ROCK2: variants seen among roughly 807,000 people sequenced by gnomAD.
ROCK2 encodes the protein Rho associated coiled-coil containing protein kinase 2.
Under a neutral mutation model 195.1 loss-of-function variants are expected in ROCK2, and 61 were observed. The ratio of observed to expected loss-of-function variants is 0.31; its 90% CI spans 0.25 to 0.39. The LOEUF is 0.39. Among genes scored for constraint, ROCK2 ranks in the 10% least tolerant of loss-of-function variants. The pLI is 1.00. For missense variants in ROCK2, 1,109 were observed against 1,637.4 expected, an observed-to-expected ratio of 0.68 and a Z score of 5.57; for synonymous variants, 504 against 545.5, an observed-to-expected ratio of 0.92 and a Z score of 1.06.
At chr2:11,284,481 C>T (rs1305234582) in intron 3 of ROCK2, among the ~76,000 whole-genome samples, 2 of 152,080 alleles carry the variant, frequency 1.3e-5, no homozygotes, top group Non-Finnish European at 2.9e-5. Flanking sequence ...AGTGTCTATG[C>T]ACACGTTGGG....
chr2:11,220,331 T>A (rs187926865), intron 9 of ROCK2, among the ~76,000 whole-genome samples: 1 of 152,006 alleles, frequency 6.6e-6, no homozygotes, highest in African/African-American at 2.4e-5. Flanking sequence ...TTTTCTTTTG[T>A]AAAGACAGGG....
intron 1 of ROCK2, among the ~76,000 whole-genome samples, chr2:11,293,429 T>C (rs955611928): frequency 4.6e-5 from 7 of 152,180 alleles, no homozygotes; most frequent in African/African-American, 7.2e-5. Flanking sequence ...TCTTTAAAAA[T>C]TGGCTATTTA....
At chr2:11,227,888 G>T (rs1572271565) in intron 5 of ROCK2, among the ~76,000 whole-genome samples, 4 of 152,104 alleles carry the variant, frequency 2.6e-5, no homozygotes, top group Admixed American at 2.6e-4. Context: ...GAAAAAAAAT[G>T]AAGAAATAGA....
intron 4 of ROCK2, among the ~76,000 whole-genome samples, chr2:11,238,565 T>C (rs1055156581): frequency 6.6e-6 from 1 of 152,138 alleles, no homozygotes; most frequent in Admixed American, 6.5e-5. Context: ...AAGACAATAC[T>C]GGCCAGGCAC....
chr2:11,185,687 C>T (rs1486983741), intron 32 of ROCK2, among the ~76,000 whole-genome samples: 1 of 152,112 alleles, frequency 6.6e-6, no homozygotes, highest in African/African-American at 2.4e-5. Context: ...CGAGATCGTG[C>T]CATTGCACTC....
rs1050984725 is a variant in ROCK2 at position 11,180,654 on chromosome 2, T to C, written c.*2783A>G. The C allele has an allele frequency of 5.3e-5, 8 of 152,146 alleles. No homozygotes were observed. Among genetic ancestry groups the C allele is most frequent in the Non-Finnish European group, 7.4e-5 (5 of 68,026 alleles). 9.4% of individuals were successfully genotyped at this position (152,146 alleles called of 1,614,324 possible). On this transcript the variant is annotated 3_prime_UTR_variant, in exon 33 of 33. Transcript: ENST00000315872. ...GTATTCATGATTTCTTAGTTCCCCA[T>C]AGGAGGTATTTATGGTTCTAGGAGA...
intron 24 of ROCK2, 45 bp downstream of exon 24, chr2:11,198,636 A>C: frequency 3.8e-6 from 6 of 1,573,216 alleles, no homozygotes; most frequent in Non-Finnish European, 5.2e-6. Flanking sequence ...AGCAGCTGAT[A>C]AACATTAGGT....
In ROCK2 at chr2:11,344,532, T is replaced by G. The variant is rs1471589568; in HGVS notation, c.-396A>C. On this transcript the variant is annotated 5_prime_UTR_variant, in exon 1 of 33. Coordinates refer to ENST00000315872, the MANE Select transcript of ROCK2 (RefSeq NM_004850.5). This position sits in a 1 kb window ranked among gnomAD's most constrained non-coding sequence, Gnocchi z 5.4. Reference sequence around the variant, plus strand: ...GCCCCGGGAGGCTGAAGCCCAGGCCTGGGCCACTACGGCCGCCGCCGGCCC... The same window carrying G: ...GCCCCGGGAGGCTGAAGCCCAGGCCGGGGCCACTACGGCCGCCGCCGGCCC... The G allele has an allele frequency of 1.2e-5, 12 of 978,768 alleles. No individual in the cohort carries two copies. The highest frequency in any genetic ancestry group is 1.5e-5 in the Non-Finnish European group (12 of 826,398). 60.6% of individuals were successfully genotyped at this position (978,768 alleles called of 1,614,324 possible). A position where few individuals can be genotyped will look rare whatever the true frequency, so the allele number is the denominator to read the frequency against.
intron 3 of ROCK2, among the ~76,000 whole-genome samples, chr2:11,269,342 T>C (rs1666541033): frequency 6.6e-6 from 1 of 151,812 alleles, no homozygotes; most frequent in Non-Finnish European, 1.5e-5. Context: ...CAAAACCCCA[T>C]CTCTACTAAA....
intron 1 of ROCK2, among the ~76,000 whole-genome samples, chr2:11,288,916 T>A (rs1050671409): frequency 6.6e-6 from 1 of 151,968 alleles, no homozygotes; most frequent in African/African-American, 2.4e-5. Flanking sequence ...TGAAAAAAAA[T>A]TTTTCTTTAG....
Position 11,249,697 on chromosome 2 carries a change from A to C in ROCK2, c.426T>G (p.Asp142Glu). The change falls in exon 4 of 33, where the codon GAT becomes GAG. Residue 142 changes from aspartate (D) to glutamate (E), a missense_variant. Asp to Glu is a conservative substitution (Grantham distance 45). Transcript: ENST00000315872. ...AGGGGCTATTGGCAAAGGCCATAAT[A>C]TCTCTTTCTTCCCAAAAAAAGGCAG... is the stretch of plus-strand genomic sequence containing the variant. The part of the protein sequence containing the change: ...SDSAFFWEER[D>E]IMAFANSPWV... The C allele has an allele frequency of 6.3e-7, 1 of 1,579,150 alleles. No homozygotes were observed. The highest frequency in any genetic ancestry group is 8.6e-7 in the Non-Finnish European group (1 of 1,165,066).
chr2:11,303,699 A>G (rs1324255564), intron 1 of ROCK2, among the ~76,000 whole-genome samples: 2 of 152,088 alleles, frequency 1.3e-5, no homozygotes, highest in Non-Finnish European at 2.9e-5. Context: ...AGAAATACCT[A>G]TTCTAGCTGT....
At chr2:11,229,563 CAAA>C (rs200491599) in intron 5 of ROCK2, among the ~76,000 whole-genome samples, 1 of 84,776 alleles carries the variant, frequency 1.2e-5, no homozygotes, top group African/African-American at 4.2e-5. Flanking sequence ...TTCACGTATC[CAAA>C]AAAAAAAATA....
intron 1 of ROCK2, among the ~76,000 whole-genome samples, chr2:11,309,094 A>G (rs72789524): frequency 0.042 from 6,460 of 152,200 alleles, 278 homozygotes; most frequent in Non-Finnish European, 0.06. Flanking sequence ...CTGTACCACA[A>G]AATTCAAAGT....
chr2:11,306,075 C>T (rs1667849984), intron 1 of ROCK2, among the ~76,000 whole-genome samples: 1 of 152,146 alleles, frequency 6.6e-6, no homozygotes, highest in Non-Finnish European at 1.5e-5. Context: ...GATTCGAGAG[C>T]CATGAGAGTT....
intron 4 of ROCK2, among the ~76,000 whole-genome samples, chr2:11,238,247 G>GTGT (rs1356133313): frequency 6.5e-5 from 9 of 138,108 alleles, no homozygotes; most frequent in African/African-American, 2.2e-4. Flanking sequence ...TGTGTCTGTT[G>GTGT]TGTGTGTCAG....
intron 4 of ROCK2, among the ~76,000 whole-genome samples, chr2:11,244,242 T>C (rs1307453062): frequency 6.6e-6 from 1 of 152,160 alleles, no homozygotes; most frequent in African/African-American, 2.4e-5. Context: ...ATTATATAAA[T>C]ACTTATGTAA....
chr2:11,215,290 A>G (rs1664386814), intron 15 of ROCK2, 31 bp downstream of exon 15: 1 of 1,518,980 alleles, frequency 6.6e-7, no homozygotes, highest in Non-Finnish European at 8.9e-7. Flanking sequence ...AATAAAACCC[A>G]GTATCTTTAC....
chr2:11,197,039 C>T lies in ROCK2; in HGVS notation c.3448+141G>A, dbSNP rs1373869123. On this transcript the variant is annotated intron_variant, in intron 27 of 32. Transcript: ENST00000315872. This position sits in a 1 kb window ranked among gnomAD's most constrained non-coding sequence, Gnocchi z 4.9. ...TAAATAAAATAAGTTTGAAATGTTA[C>T]TTGAATCCTTACTCCAAGGAGTAGG... is the stretch of plus-strand genomic sequence containing the variant. The T allele has an allele frequency of 8.7e-6, 4 of 461,468 alleles. No homozygotes were observed. The highest frequency in any genetic ancestry group is 1.1e-5 in the Non-Finnish European group (3 of 267,894). 28.6% of individuals were successfully genotyped at this position (461,468 alleles called of 1,614,324 possible).
Sources: allele counts gnomAD v4.1 joint callset (sites outside exome capture counted in the v4.1 genomes callset), GRCh38; gene constraint gnomAD v4.1.1; non-coding constraint Gnocchi (gnomAD v3.1); transcripts MANE v1.5; gene names NCBI Gene and HGNC (gene_info 2026-07-23, HGNC 2026-07-21).